MACROD2: variants seen among roughly 807,000 people sequenced by gnomAD.
MACROD2 encodes the protein mono-ADP ribosylhydrolase 2, also known as ADP-ribose glycohydrolase MACROD2.
MACROD2 carries 36 observed loss-of-function variants against 70.4 expected under a neutral mutation model. The ratio of observed to expected loss-of-function variants is 0.51; its 90% CI spans 0.39 to 0.68. The LOEUF (loss-of-function observed/expected upper bound fraction) is 0.68. Among genes scored for constraint, MACROD2 ranks in the 30% least tolerant of loss-of-function variants. MACROD2 has a pLI of 0.00. For synonymous variants in MACROD2, 172 were observed against 178.8 expected (o/e 0.96, Z 0.30); for missense variants, 496 against 538.4 (o/e 0.92, Z 0.78).
chr20:14,616,034 A>G (rs960698038), intron 4 of MACROD2, among the ~76,000 whole-genome samples: 7 of 152,154 alleles, frequency 4.6e-5, no homozygotes, highest in Admixed American at 1.3e-4. Context: ...ATTATCCGCA[A>G]AGGAAGAGAC....
intron 13 of MACROD2, among the ~76,000 whole-genome samples, chr20:15,979,345 T>C (rs1158025195): frequency 6.6e-6 from 1 of 152,092 alleles, no homozygotes; most frequent in Non-Finnish European, 1.5e-5. Context: ...AGGCTTCTGC[T>C]TGGTTGCAGT....
At chr20:15,057,823 A>G (rs2075498846) in intron 5 of MACROD2, among the ~76,000 whole-genome samples, 1 of 152,184 alleles carries the variant, frequency 6.6e-6, no homozygotes, top group Admixed American at 6.5e-5. Flanking sequence ...TGGGACAGAA[A>G]AGACAGGATC....
chr20:15,909,514 A>AT lies in MACROD2; in HGVS notation c.775+23730dup, dbSNP rs10617621. On this transcript the variant is annotated intron_variant, in intron 10 of 17. Coordinates refer to ENST00000684519, the MANE Select transcript of MACROD2 (RefSeq NM_001351661.2). The stretch of plus-strand genomic sequence containing the variant: ...ATCATACACATAAGTACATAATACA[A>AT]TTTTTTTTTTTTTTTTTTTTTTTTT... 6.8e-4 allele frequency among the ~76,000 whole-genome samples: 48 copies of AT among 70,868 alleles called. 2 individuals carry two copies. Among genetic ancestry groups the AT allele is most frequent in the African/African-American group, 1.1e-3 (18 of 17,024 alleles). 46.5% of individuals were successfully genotyped at this position (70,868 alleles called of 152,430 possible).
chr20:14,200,418 A>G (rs960131036), intron 3 of MACROD2, among the ~76,000 whole-genome samples: 1 of 152,200 alleles, frequency 6.6e-6, no homozygotes, highest in African/African-American at 2.4e-5. Context: ...GATCAGGAAT[A>G]ATAACCAATG....
intron 4 of MACROD2, among the ~76,000 whole-genome samples, chr20:14,585,929 A>G (rs923088938): frequency 2.0e-5 from 3 of 152,134 alleles, no homozygotes; most frequent in Non-Finnish European, 4.4e-5. Flanking sequence ...GAGGCCAACC[A>G]TTTAAACACC....
intron 3 of MACROD2, among the ~76,000 whole-genome samples, chr20:14,164,884 G>T (rs1281265290): frequency 6.6e-6 from 1 of 152,166 alleles, no homozygotes; most frequent in Non-Finnish European, 1.5e-5. Context: ...CATGCACTTT[G>T]CTCATGCTTT....
chr20:15,000,366 G>A lies in MACROD2; in HGVS notation c.419-229574G>A, dbSNP rs1164495365. Among the ~76,000 whole-genome samples the A allele has an allele frequency of 6.9e-5, 9 of 130,816 alleles. 2 individuals are homozygous for A. The highest frequency in any genetic ancestry group is 3.3e-4 in the African/African-American group (9 of 27,384). 85.8% of individuals were successfully genotyped at this position (130,816 alleles called of 152,430 possible). On this transcript the variant is annotated intron_variant, in intron 5 of 17. Coordinates refer to ENST00000684519, the MANE Select transcript of MACROD2 (RefSeq NM_001351661.2). The stretch of plus-strand genomic sequence containing the variant: ...CGGCCGGGCGCGGTGGCTCACGCCT[G>A]TAGTCCCAGCACTTTGGGAGGCCGA...
chr20:14,434,586 G>A (rs2084034627), intron 3 of MACROD2, among the ~76,000 whole-genome samples: 3 of 152,138 alleles, frequency 2.0e-5, no homozygotes, highest in South Asian at 4.1e-4. Flanking sequence ...ACAACCTAAG[G>A]TGAGTCAAGC....
intron 6 of MACROD2, among the ~76,000 whole-genome samples, chr20:15,383,514 G>C (rs751620833): frequency 3.3e-4 from 50 of 152,160 alleles, no homozygotes; most frequent in Non-Finnish European, 6.5e-4. Context: ...CCCAGTAGGA[G>C]TTTTAATTTT....
At chr20:14,232,401 C>T (rs2081823947) in intron 3 of MACROD2, among the ~76,000 whole-genome samples, 1 of 152,174 alleles carries the variant, frequency 6.6e-6, no homozygotes, top group Non-Finnish European at 1.5e-5. Context: ...CAAAATAAGG[C>T]TGTTTTGCCT....
intron 6 of MACROD2, among the ~76,000 whole-genome samples, chr20:15,314,758 A>C (rs1242597261): frequency 6.6e-6 from 1 of 152,212 alleles, no homozygotes; most frequent in African/African-American, 2.4e-5. Context: ...AGTTGAGGCA[A>C]ATAATGAAGA....
chr20:14,356,248 G>A (rs1011811065), intron 3 of MACROD2, among the ~76,000 whole-genome samples: 3 of 152,114 alleles, frequency 2.0e-5, no homozygotes, highest in Non-Finnish European at 4.4e-5. Flanking sequence ...CTGAATTATT[G>A]TGTTTAAAAT....
chr20:15,487,604 T>G (rs1233885248), intron 7 of MACROD2, among the ~76,000 whole-genome samples: 1 of 152,162 alleles, frequency 6.6e-6, no homozygotes, highest in Non-Finnish European at 1.5e-5. Context: ...ACCACCCTTT[T>G]TTAGGCAGAT....
intron 3 of MACROD2, among the ~76,000 whole-genome samples, chr20:14,228,534 A>T (rs527272795): frequency 2.0e-5 from 3 of 152,050 alleles, no homozygotes; most frequent in Non-Finnish European, 4.4e-5. Context: ...TCTTAACTGT[A>T]ATAGCAAAAG....
At chr20:15,482,756 C>T (rs1457819556) in intron 7 of MACROD2, among the ~76,000 whole-genome samples, 3 of 152,112 alleles carry the variant, frequency 2.0e-5, no homozygotes, top group Non-Finnish European at 2.9e-5. Flanking sequence ...GGATCTTGGC[C>T]ATTCTAATAG....
chr20:15,983,834 A>G (rs1451141195), intron 13 of MACROD2, among the ~76,000 whole-genome samples: 1 of 152,232 alleles, frequency 6.6e-6, no homozygotes, highest in Non-Finnish European at 1.5e-5. Flanking sequence ...CATTCTTGGT[A>G]TGCTGTCTTA....
At chr20:14,606,026 C>T (rs1035037017) in intron 4 of MACROD2, among the ~76,000 whole-genome samples, 3 of 152,212 alleles carry the variant, frequency 2.0e-5, no homozygotes, top group Non-Finnish European at 2.9e-5. Context: ...AATCCCCTTT[C>T]AGCTCACAGG....
At chr20:15,565,324 A>G (rs2048296276) in intron 8 of MACROD2, among the ~76,000 whole-genome samples, 1 of 152,238 alleles carries the variant, frequency 6.6e-6, no homozygotes. Context: ...TTTAGGTTGA[A>G]TATGCACATT....
At chr20:15,595,783 A>G (rs1431255848) in intron 8 of MACROD2, among the ~76,000 whole-genome samples, 4 of 152,194 alleles carry the variant, frequency 2.6e-5, no homozygotes, top group African/African-American at 9.6e-5. Flanking sequence ...TGGTGGGACT[A>G]TCTGTGATGT....
Sources: gnomAD v4.1 joint callset for allele counts (sites outside exome capture counted in the v4.1 genomes callset) on GRCh38, gnomAD v4.1.1 for gene constraint, MANE v1.5 for transcripts, NCBI Gene and HGNC (gene_info 2026-07-23, HGNC 2026-07-21) for gene names.